The following OSBPL9 variants were observed in gnomAD, a reference collection of about 807,000 sequenced individuals.
The protein encoded by OSBPL9 is oxysterol binding protein like 9.
Under a neutral mutation model 106.6 loss-of-function variants are expected in OSBPL9, and 40 were observed. The ratio of observed to expected loss-of-function variants is 0.38; its 90% CI spans 0.29 to 0.49. The LOEUF (loss-of-function observed/expected upper bound fraction) is 0.49, where lower values mean the gene tolerates loss of function less well. Ranked by LOEUF, OSBPL9 falls within the 20% of genes least tolerant of loss-of-function variation. OSBPL9 has a pLI of 0.97. For synonymous variants in OSBPL9, 269 were observed against 295.4 expected, an observed-to-expected ratio of 0.91 and a Z score of 0.92; for missense variants, 609 against 887.2, an observed-to-expected ratio of 0.69 and a Z score of 3.98.
At chr1:51,754,831 C>G (rs1669986194) in intron 8 of OSBPL9, among the ~76,000 whole-genome samples, 1 of 152,084 alleles carries the variant, frequency 6.6e-6, no homozygotes, top group Non-Finnish European at 1.5e-5. Context: ...GAGATAGTGT[C>G]TTGCTCTGTC....
At chr1:51,771,507 A>G (rs1673894061) in intron 12 of OSBPL9, among the ~76,000 whole-genome samples, 1 of 152,232 alleles carries the variant, frequency 6.6e-6, no homozygotes, top group South Asian at 2.1e-4. Flanking sequence ...GCACACACAC[A>G]CACTTCCATC....
At position 51,651,525 on chromosome 1, in the gene OSBPL9, C is replaced by G. The variant is rs1007576226; in HGVS notation, c.112-466C>G. Among the ~76,000 whole-genome samples, 27 of 152,010 alleles carry G rather than the reference C, an allele frequency of 1.8e-4. 1 individual carries two copies. Among genetic ancestry groups the G allele is most frequent in the Non-Finnish European group, 5.9e-5 (4 of 68,018 alleles). ...GGCTGAGGCAGGAGAATCGCTTGAA[C>G]CCAGGAGGCGGAGGTTGCAGTGAGC... On this transcript the variant is annotated intron_variant, in intron 1 of 23. Transcript: ENST00000428468.
chr1:51,649,092 A>G (rs1392108623), intron 1 of OSBPL9, among the ~76,000 whole-genome samples: 1 of 152,002 alleles, frequency 6.6e-6, no homozygotes, highest in Admixed American at 6.6e-5. Context: ...TCTTCTTTTC[A>G]GCCTCATTTT....
intron 4 of OSBPL9, among the ~76,000 whole-genome samples, chr1:51,732,389 A>G (rs1664657460): frequency 6.6e-6 from 1 of 152,226 alleles, no homozygotes; most frequent in Admixed American, 6.5e-5. Flanking sequence ...CTTTGTGATT[A>G]CTGTAGTATA....
intron 1 of OSBPL9, among the ~76,000 whole-genome samples, chr1:51,628,803 G>C (rs1392005972): frequency 1.3e-5 from 2 of 150,346 alleles, no homozygotes; most frequent in African/African-American, 2.4e-5. Context: ...CCTGCCTCAG[G>C]CTCCTGGGTA....
the OSBPL9 span, among the ~76,000 whole-genome samples, chr1:51,556,365 A>C: frequency 9.9e-5 from 15 of 152,164 alleles, no homozygotes; most frequent in African/African-American, 3.6e-4. Context: ...AACCAACTGG[A>C]AAGTCTGTAG....
At chr1:51,690,500 T>C (rs1335651850) in intron 3 of OSBPL9, among the ~76,000 whole-genome samples, 1 of 152,242 alleles carries the variant, frequency 6.6e-6, no homozygotes, top group African/African-American at 2.4e-5. Flanking sequence ...CATAAATTGT[T>C]GAAAGATCCA....
intron 2 of OSBPL9, among the ~76,000 whole-genome samples, chr1:51,667,475 C>T (rs1648796527): frequency 1.3e-5 from 2 of 152,108 alleles, no homozygotes; most frequent in Admixed American, 1.3e-4. Context: ...ACATGTGATC[C>T]TTAGTGACTA....
intron 3 of OSBPL9, among the ~76,000 whole-genome samples, chr1:51,687,059 C>A (rs1035639352): frequency 2.0e-5 from 3 of 152,200 alleles, no homozygotes; most frequent in African/African-American, 7.2e-5. Flanking sequence ...GGGCTCGAAA[C>A]ACCTTAGCTG....
the OSBPL9 span, among the ~76,000 whole-genome samples, chr1:51,523,397 G>T: frequency 6.6e-6 from 1 of 151,710 alleles, no homozygotes; most frequent in African/African-American, 2.4e-5. Flanking sequence ...GTGAGCCACC[G>T]CACCCAGACA....
chr1:51,653,279 C>T (rs1646631801), intron 2 of OSBPL9, among the ~76,000 whole-genome samples: 1 of 151,890 alleles, frequency 6.6e-6, no homozygotes, highest in Non-Finnish European at 1.5e-5. Flanking sequence ...CTGTTGACCT[C>T]AGTCACCAGT....
At chr1:51,784,658 G>A (rs990095425) in intron 20 of OSBPL9, 76 bp downstream of exon 20, 2 of 1,476,478 alleles carry the variant, frequency 1.4e-6, no homozygotes, top group African/African-American at 2.8e-5. Context: ...ACAGCTTCTG[G>A]ATTAGGAGTG....
intron 2 of OSBPL9, among the ~76,000 whole-genome samples, chr1:51,663,351 T>G (rs1647585463): frequency 6.6e-6 from 1 of 151,164 alleles, no homozygotes; most frequent in Admixed American, 6.6e-5. Context: ...GACTAAAAAT[T>G]TATGAAGAGT....
intron 1 of OSBPL9, among the ~76,000 whole-genome samples, chr1:51,630,611 A>G (rs1645045638): frequency 6.6e-6 from 1 of 152,208 alleles, no homozygotes; most frequent in African/African-American, 2.4e-5. Context: ...GTGAGTGGTG[A>G]GTGAATGTGA....
chr1:51,747,553 CTTTT>C (rs746109312), intron 6 of OSBPL9, among the ~76,000 whole-genome samples: 49 of 42,356 alleles, frequency 1.2e-3, no homozygotes, highest in Non-Finnish European at 1.8e-3. Flanking sequence ...CTCTCCTTGG[CTTTT>C]TTTTTTTTTT....
At chr1:51,609,382 C>T (rs1208535807) in intron 2 of OSBPL9, among the ~76,000 whole-genome samples, 7 of 149,212 alleles carry the variant, frequency 4.7e-5, no homozygotes, top group South Asian at 2.1e-4. Context: ...GTCACTCTGT[C>T]GCCCAGGTTG....
chr1:51,775,060 C>T (rs952157567), intron 14 of OSBPL9, among the ~76,000 whole-genome samples: 8 of 151,804 alleles, frequency 5.3e-5, no homozygotes, highest in South Asian at 2.1e-4. Context: ...TATAATTCTG[C>T]GTTATCTAAA....
At chr1:51,614,943 G>C (rs1373259110), upstream of OSBPL9, among the ~76,000 whole-genome samples, 1 of 152,144 alleles carries the variant, frequency 6.6e-6, no homozygotes, top group Non-Finnish European at 1.5e-5. Flanking sequence ...TAAGTACTAA[G>C]CTTTGAGCCT....
At chr1:51,559,410 G>A in the OSBPL9 span, among the ~76,000 whole-genome samples, 1 of 148,508 alleles carries the variant, frequency 6.7e-6, no homozygotes, top group Non-Finnish European at 1.5e-5. Context: ...CTCTCTCTCT[G>A]TCTCTTTAAA....
Sources: allele counts gnomAD v4.1 joint callset (sites outside exome capture counted in the v4.1 genomes callset), GRCh38; gene constraint gnomAD v4.1.1; transcripts MANE v1.5; gene names NCBI Gene and HGNC (gene_info 2026-07-23, HGNC 2026-07-21).